Variants in UBE2U observed in about 807,000 individuals in gnomAD.
The protein encoded by UBE2U is ubiquitin conjugating enzyme E2 U, also known as ubiquitin-conjugating enzyme E2 U.
A neutral mutation model predicts 41.2 loss-of-function variants in UBE2U; 39 were observed. That is an observed-to-expected ratio of 0.95 (90% confidence interval 0.73 to 1.24). The LOEUF is 1.24. Ranked by LOEUF, UBE2U falls within the 50% of genes most tolerant of loss-of-function variation. UBE2U has a pLI of 0.00. For missense variants in UBE2U, 336 were observed against 363.1 expected, an observed-to-expected ratio of 0.93 and a Z score of 0.61; for synonymous variants, 107 against 117.8, an observed-to-expected ratio of 0.91 and a Z score of 0.60.
intron 8 of UBE2U, among the ~76,000 whole-genome samples, chr1:64,246,692 G>T (rs1227255285): frequency 6.6e-6 from 1 of 152,064 alleles, no homozygotes; most frequent in Non-Finnish European, 1.5e-5. Context: ...TAGGAAGCTT[G>T]GTAATTCAAG....
chr1:64,251,940 C>T (rs532023628), intron 8 of UBE2U, among the ~76,000 whole-genome samples: 17 of 152,272 alleles, frequency 1.1e-4, no homozygotes, highest in East Asian at 5.8e-4. Context: ...AGTTGGGGCC[C>T]GCTAGCTTGG....
intron 8 of UBE2U, among the ~76,000 whole-genome samples, chr1:64,255,929 G>A (rs1645082162): frequency 6.6e-6 from 1 of 152,074 alleles, no homozygotes; most frequent in Non-Finnish European, 1.5e-5. Context: ...GAAGTCTCAG[G>A]ATACAAAATC....
chr1:64,262,013 C>T (rs1309177033), intron 9 of UBE2U, among the ~76,000 whole-genome samples: 2 of 152,102 alleles, frequency 1.3e-5, no homozygotes, highest in African/African-American at 4.8e-5. Flanking sequence ...CAGTGACATT[C>T]CCTCCCTCTC....
At chr1:64,265,873 C>T (rs973904314) in intron 9 of UBE2U, among the ~76,000 whole-genome samples, 5 of 152,164 alleles carry the variant, frequency 3.3e-5, no homozygotes, top group South Asian at 2.1e-4. Context: ...CCACCATGCC[C>T]GGTCTGTCTG....
chr1:64,204,019 G>A lies in UBE2U; in HGVS notation c.-32G>A. 1.2e-6 allele frequency: 2 copies of A among 1,605,416 alleles called. No individual in the cohort carries two copies. The highest frequency in any genetic ancestry group is 1.7e-6 in the Non-Finnish European group (2 of 1,174,532). ...GCCTCAGAGTAAACCTGAGGCATTT[G>A]GGGACAAGTGTCAGACCCTCCGCTG... On this transcript the variant is annotated 5_prime_UTR_variant, in exon 1 of 10. Transcript: ENST00000371077.
intron 7 of UBE2U, among the ~76,000 whole-genome samples, chr1:64,235,713 C>T (rs145557898): frequency 0.01 from 1,536 of 152,202 alleles, 15 homozygotes; most frequent in Non-Finnish European, 0.017. Context: ...ACTCTTTTCC[C>T]TATCTTGTGC....
intron 6 of UBE2U, among the ~76,000 whole-genome samples, chr1:64,229,558 C>G (rs1053290967): frequency 6.6e-6 from 1 of 151,936 alleles, no homozygotes; most frequent in Non-Finnish European, 1.5e-5. Flanking sequence ...GTAGAAGTGC[C>G]GGAGGGTTTT....
At chr1:64,219,886 C>G (rs927304719) in intron 5 of UBE2U, among the ~76,000 whole-genome samples, 2 of 152,244 alleles carry the variant, frequency 1.3e-5, no homozygotes, top group African/African-American at 4.8e-5. Flanking sequence ...GCATGAGCCA[C>G]TGCGTGCAGC....
chr1:64,229,972 A>C (rs1644522042), intron 6 of UBE2U, among the ~76,000 whole-genome samples: 1 of 152,202 alleles, frequency 6.6e-6, no homozygotes, highest in Non-Finnish European at 1.5e-5. Context: ...TATATCTAAA[A>C]TTAAACTCGT....
chr1:64,250,888 G>C (rs1006353182), intron 8 of UBE2U, among the ~76,000 whole-genome samples: 1 of 143,460 alleles, frequency 7.0e-6, no homozygotes, highest in Non-Finnish European at 1.5e-5. Flanking sequence ...ACAGGAAGGG[G>C]AACATCACAC....
intron 2 of UBE2U, among the ~76,000 whole-genome samples, 189 bp from the exon 3 acceptor site, chr1:64,206,575 G>A (rs903358202): frequency 7.2e-5 from 11 of 151,732 alleles, no homozygotes; most frequent in Non-Finnish European, 1.3e-4. Flanking sequence ...GACTGAAAAC[G>A]TATGATTATA....
At chr1:64,208,916 A>G (rs1022697953) in intron 3 of UBE2U, among the ~76,000 whole-genome samples, 11 of 152,218 alleles carry the variant, frequency 7.2e-5, no homozygotes, top group African/African-American at 2.7e-4. Flanking sequence ...GAAAAAATAC[A>G]TTGAACAATA....
At chr1:64,218,585 A>G (rs1652192186) in intron 5 of UBE2U, among the ~76,000 whole-genome samples, 2 of 152,178 alleles carry the variant, frequency 1.3e-5, no homozygotes, top group Non-Finnish European at 2.9e-5. Context: ...CCACATTTCT[A>G]AGTTGATTCT....
At chr1:64,232,994 C>T (rs2100396371) in intron 7 of UBE2U, among the ~76,000 whole-genome samples, 1 of 150,856 alleles carries the variant, frequency 6.6e-6, no homozygotes, top group South Asian at 2.1e-4. Context: ...CTATGCATGG[C>T]TAATTTTTTA....
chr1:64,204,151 T>G (rs1651145345), intron 1 of UBE2U, 35 bp downstream of exon 1: 1 of 1,584,932 alleles, frequency 6.3e-7, no homozygotes, highest in African/African-American at 1.3e-5. Context: ...TGTGTTTCAT[T>G]GTGCAATAAT....
chr1:64,253,984 C>G (rs1258304154), intron 8 of UBE2U, among the ~76,000 whole-genome samples: 1 of 152,036 alleles, frequency 6.6e-6, no homozygotes, highest in Non-Finnish European at 1.5e-5. Flanking sequence ...GAATAAGGAG[C>G]CAAGACCCAT....
intron 4 of UBE2U, among the ~76,000 whole-genome samples, chr1:64,212,631 G>C (rs1486597484): frequency 4.6e-5 from 7 of 152,076 alleles, no homozygotes; most frequent in Admixed American, 4.6e-4. Flanking sequence ...GAAATGCTTA[G>C]GAATTGGAAA....
intron 7 of UBE2U, among the ~76,000 whole-genome samples, chr1:64,239,436 T>C (rs879627167): frequency 6.6e-6 from 1 of 152,050 alleles, no homozygotes; most frequent in Non-Finnish European, 1.5e-5. Context: ...TTGTTACATA[T>C]GCATACATTT....
chr1:64,251,052 T>C (rs1485448423), intron 8 of UBE2U, among the ~76,000 whole-genome samples: 1 of 151,650 alleles, frequency 6.6e-6, no homozygotes, highest in Non-Finnish European at 1.5e-5. Flanking sequence ...ACCCTAAAAC[T>C]TAAAGTATAA....
Sources: allele counts gnomAD v4.1 joint callset (sites outside exome capture counted in the v4.1 genomes callset), GRCh38; gene constraint gnomAD v4.1.1; transcripts MANE v1.5; gene names NCBI Gene and HGNC (gene_info 2026-07-23, HGNC 2026-07-21).